The following SLC44A5 variants were observed in gnomAD, a reference collection of about 807,000 sequenced individuals.
SLC44A5 encodes the protein choline transporter-like protein 5.
SLC44A5 carries 57 observed loss-of-function variants against 101.8 expected under a neutral mutation model. The ratio of observed to expected loss-of-function variants is 0.56; its 90% CI spans 0.45 to 0.70. The LOEUF (loss-of-function observed/expected upper bound fraction) is 0.70, where lower values mean the gene tolerates loss of function less well. SLC44A5 is among the 30% of genes least tolerant of loss of function. The probability of loss-of-function intolerance (pLI) is 0.00; values close to 1 mark genes in which losing one functional copy is unlikely to be tolerated. For synonymous variants in SLC44A5, 281 were observed against 290.9 expected (o/e 0.97, Z 0.35); for missense variants, 737 against 853.1 (o/e 0.86, Z 1.70).
intron 12 of SLC44A5, among the ~76,000 whole-genome samples, chr1:75,228,287 T>C (rs1647274539): frequency 1.3e-5 from 2 of 152,138 alleles, no homozygotes; most frequent in Non-Finnish European, 2.9e-5. Flanking sequence ...AAGTTTAGGG[T>C]TGGCATATTT....
intron 2 of SLC44A5, among the ~76,000 whole-genome samples, chr1:75,426,389 T>C (rs554772903): frequency 6.6e-6 from 1 of 152,162 alleles, no homozygotes; most frequent in Admixed American, 6.5e-5. Flanking sequence ...TCCAACTGTT[T>C]CCAAGCACCA....
chr1:75,452,302 G>C (rs1570320763), intron 2 of SLC44A5, among the ~76,000 whole-genome samples: 1 of 152,028 alleles, frequency 6.6e-6, no homozygotes, highest in Admixed American at 6.6e-5. Context: ...GCCAAACTAC[G>C]CTTAATAAAC....
At chr1:75,251,368 T>C (rs991671755) in intron 6 of SLC44A5, 74 bp from the exon 7 acceptor site, 86 of 1,230,618 alleles carry the variant, frequency 7.0e-5, no homozygotes, top group Middle Eastern at 6.3e-4. Context: ...CTGAACACTT[T>C]TTATAAATAA....
chr1:75,298,257 A>G (rs1210617828), intron 5 of SLC44A5, among the ~76,000 whole-genome samples: 1 of 152,108 alleles, frequency 6.6e-6, no homozygotes, highest in Non-Finnish European at 1.5e-5. Context: ...TCTTGAAATG[A>G]AGTCAGTAAG....
At chr1:75,692,082 C>T in the SLC44A5 span, among the ~76,000 whole-genome samples, 3 of 151,200 alleles carry the variant, frequency 2.0e-5, no homozygotes. Flanking sequence ...GTTGATCCTG[C>T]TAATGGGAAT....
chr1:75,519,415 G>C (rs900364055), intron 2 of SLC44A5, among the ~76,000 whole-genome samples: 2 of 152,090 alleles, frequency 1.3e-5, no homozygotes, highest in Non-Finnish European at 2.9e-5. Flanking sequence ...AAAATTAGCC[G>C]GGCATGGCGG....
At chr1:75,288,098 G>A (rs1653222388) in intron 5 of SLC44A5, among the ~76,000 whole-genome samples, 1 of 151,266 alleles carries the variant, frequency 6.6e-6, no homozygotes, top group Non-Finnish European at 1.5e-5. Flanking sequence ...AGCCTCAGCA[G>A]CAAGCCCAAA....
At chr1:75,552,663 C>G (rs1672005527) in intron 1 of SLC44A5, among the ~76,000 whole-genome samples, 1 of 149,148 alleles carries the variant, frequency 6.7e-6, no homozygotes, top group African/African-American at 2.5e-5. Flanking sequence ...TTTTTCCCAC[C>G]TCTGAATGCC....
chr1:75,484,356 G>A (rs1282393828), intron 2 of SLC44A5, among the ~76,000 whole-genome samples: 2 of 152,152 alleles, frequency 1.3e-5, no homozygotes, highest in Non-Finnish European at 2.9e-5. Flanking sequence ...GAGGCCACAG[G>A]CCCCATGCCA....
At chr1:75,597,267 G>A (rs1674695175) in intron 1 of SLC44A5, among the ~76,000 whole-genome samples, 1 of 150,652 alleles carries the variant, frequency 6.6e-6, no homozygotes, top group Admixed American at 6.6e-5. Context: ...TCTACAAGTA[G>A]AACTACAAAA....
intron 2 of SLC44A5, among the ~76,000 whole-genome samples, chr1:75,513,996 A>G (rs1669695868): frequency 1.3e-5 from 2 of 152,098 alleles, no homozygotes; most frequent in Non-Finnish European, 2.9e-5. Context: ...TGGCTACCAC[A>G]GCTGGCTAAT....
chr1:75,215,124 T>G (rs1264009654), intron 19 of SLC44A5, among the ~76,000 whole-genome samples: 2 of 152,186 alleles, frequency 1.3e-5, no homozygotes, highest in Non-Finnish European at 2.9e-5. Context: ...GGAGGTAAAT[T>G]AATGACTGTT....
At chr1:75,477,906 A>G (rs1276935561) in intron 2 of SLC44A5, among the ~76,000 whole-genome samples, 3 of 152,070 alleles carry the variant, frequency 2.0e-5, no homozygotes, top group Non-Finnish European at 4.4e-5. Flanking sequence ...AGAGAACGCC[A>G]CAAAGATACT....
At chr1:75,344,305 C>T (rs1658093016) in intron 3 of SLC44A5, among the ~76,000 whole-genome samples, 1 of 152,158 alleles carries the variant, frequency 6.6e-6, no homozygotes, top group Non-Finnish European at 1.5e-5. Context: ...ATCTCTGAGA[C>T]ACAGTACTTC....
chr1:75,678,739 G>A, the SLC44A5 span, among the ~76,000 whole-genome samples: 1 of 151,834 alleles, frequency 6.6e-6, no homozygotes, highest in African/African-American at 2.4e-5. Context: ...CTCCTCACCA[G>A]CAATGGAACA....
intron 4 of SLC44A5, among the ~76,000 whole-genome samples, chr1:75,309,101 T>G (rs556822857): frequency 1.3e-5 from 2 of 152,190 alleles, no homozygotes; most frequent in Non-Finnish European, 2.9e-5. Context: ...GCACTGTTTA[T>G]AATAAAGAAA....
intron 2 of SLC44A5, among the ~76,000 whole-genome samples, chr1:75,402,660 AT>A (rs1358372121): frequency 6.6e-6 from 1 of 152,082 alleles, no homozygotes; most frequent in Admixed American, 6.5e-5. Flanking sequence ...TCTGGCCCAG[AT>A]ACTACACTTT....
chr1:75,251,524 A>T (rs1218150638), intron 6 of SLC44A5, among the ~76,000 whole-genome samples: 1 of 152,150 alleles, frequency 6.6e-6, no homozygotes, highest in Non-Finnish European at 1.5e-5. Context: ...GCTTAAATAG[A>T]TTTGTATACC....
At chr1:75,291,937 G>A (rs1399737110) in intron 5 of SLC44A5, among the ~76,000 whole-genome samples, 5 of 151,400 alleles carry the variant, frequency 3.3e-5, no homozygotes, top group East Asian at 2.0e-4. Context: ...GCGTGAACCC[G>A]GGAAGTGGAG....
Sources: gnomAD v4.1 joint callset for allele counts (sites outside exome capture counted in the v4.1 genomes callset) on GRCh38, gnomAD v4.1.1 for gene constraint, MANE v1.5 for transcripts, NCBI Gene and HGNC (gene_info 2026-07-23, HGNC 2026-07-21) for gene names.